TMEM117: variants seen among roughly 807,000 people sequenced by gnomAD.
The protein encoded by TMEM117 is transmembrane protein 117.
Under a neutral mutation model 52.4 loss-of-function variants are expected in TMEM117, and 27 were observed. That is an observed-to-expected ratio of 0.51 (90% CI 0.38 to 0.71). The LOEUF is 0.71. Among genes scored for constraint, TMEM117 ranks in the 30% least tolerant of loss-of-function variants. The pLI is 0.00. For missense variants in TMEM117, 556 were observed against 630.5 expected (o/e 0.88, Z 1.26); for synonymous variants, 215 against 206.3 (o/e 1.04, Z -0.36).
chr12:44,091,691 C>T (rs1390172610), intron 3 of TMEM117, among the ~76,000 whole-genome samples: 1 of 152,134 alleles, frequency 6.6e-6, no homozygotes, highest in Non-Finnish European at 1.5e-5. Flanking sequence ...GGGCAGAATA[C>T]AATCAACTTT....
intron 5 of TMEM117, among the ~76,000 whole-genome samples, chr12:44,294,413 T>G (rs1227199893): frequency 1.3e-5 from 2 of 152,208 alleles, no homozygotes; most frequent in Non-Finnish European, 2.9e-5. Context: ...CTTTTCCATC[T>G]TTGCTTATCA....
rs540594759 is a variant in TMEM117, at chr12:44,078,806, G to C, written c.411-64719G>C. Among the ~76,000 whole-genome samples, 63 of 151,784 alleles carry C rather than the reference G, an allele frequency of 4.2e-4. 1 individual carries two copies. Among genetic ancestry groups the C allele is most frequent in the Non-Finnish European group, 7.1e-4 (48 of 67,980 alleles). On this transcript the variant is annotated intron_variant, in intron 3 of 7. Transcript: ENST00000266534. The stretch of plus-strand genomic sequence containing the variant: ...ACACATGCCATGGTGGTTTGCTGCA[G>C]CCATCAACCCATCACCTACATTAGG...
At chr12:44,358,055 T>A (rs955326556) in intron 6 of TMEM117, among the ~76,000 whole-genome samples, 1 of 152,014 alleles carries the variant, frequency 6.6e-6, no homozygotes, top group Admixed American at 6.6e-5. Context: ...TTATCCTAAG[T>A]GAATTAACAC....
chr12:44,216,630 C>T (rs1166360884), intron 5 of TMEM117, among the ~76,000 whole-genome samples: 1 of 152,112 alleles, frequency 6.6e-6, no homozygotes, highest in Non-Finnish European at 1.5e-5. Flanking sequence ...CTGAGTATTA[C>T]TGAGTATTAT....
intron 5 of TMEM117, among the ~76,000 whole-genome samples, chr12:44,257,072 T>C (rs1950268172): frequency 6.8e-6 from 1 of 148,064 alleles, no homozygotes; most frequent in African/African-American, 2.5e-5. Flanking sequence ...GCATACTAGA[T>C]GTTTATTTGT....
chr12:44,182,508 C>T (rs1001399392), intron 4 of TMEM117, among the ~76,000 whole-genome samples: 3 of 152,136 alleles, frequency 2.0e-5, no homozygotes, highest in African/African-American at 7.2e-5. Context: ...AACAACGCTT[C>T]ATGCTAAAAA....
intron 3 of TMEM117, among the ~76,000 whole-genome samples, chr12:43,980,316 G>A (rs1945740384): frequency 1.3e-5 from 2 of 152,138 alleles, no homozygotes; most frequent in Admixed American, 1.3e-4. Flanking sequence ...TGTTAGAGTT[G>A]TTACTGGGAC....
At chr12:44,184,464 A>G (rs746958733) in intron 4 of TMEM117, among the ~76,000 whole-genome samples, 1 of 152,200 alleles carries the variant, frequency 6.6e-6, no homozygotes, top group Non-Finnish European at 1.5e-5. Flanking sequence ...GAGATGCAGC[A>G]GGAGATATGG....
chr12:44,048,417 G>A (rs1192900712), intron 3 of TMEM117, among the ~76,000 whole-genome samples: 1 of 151,304 alleles, frequency 6.6e-6, no homozygotes, highest in African/African-American at 2.4e-5. Flanking sequence ...TGTTATTTTT[G>A]TAAATTTTTG....
At chr12:44,278,357 A>G (rs1042772223) in intron 5 of TMEM117, among the ~76,000 whole-genome samples, 1 of 152,182 alleles carries the variant, frequency 6.6e-6, no homozygotes, top group Admixed American at 6.5e-5. Context: ...GGCTATCTGA[A>G]TATCTGTCTT....
the TMEM117 span, among the ~76,000 whole-genome samples, chr12:43,801,845 C>T: frequency 6.6e-6 from 1 of 152,108 alleles, no homozygotes; most frequent in African/African-American, 2.4e-5. Context: ...GCCTGGGCAA[C>T]ACAGTGAAAC....
the TMEM117 span, chr12:43,800,655 C>G: frequency 1.8e-4 from 117 of 646,938 alleles, no homozygotes; most frequent in Middle Eastern, 2.3e-3. Flanking sequence ...AGTCCACCCA[C>G]TATAATATGC....
chr12:44,132,098 G>A (rs886441822), intron 3 of TMEM117, among the ~76,000 whole-genome samples: 2 of 152,144 alleles, frequency 1.3e-5, no homozygotes, highest in African/African-American at 4.8e-5. Flanking sequence ...TAAGAATTAG[G>A]GAGACGGAGG....
At chr12:43,859,285 G>A (rs985322339) in intron 2 of TMEM117, among the ~76,000 whole-genome samples, 6 of 152,264 alleles carry the variant, frequency 3.9e-5, no homozygotes, top group South Asian at 2.1e-4. Flanking sequence ...GGGAAGGAAC[G>A]GGCAAAATGG....
At chr12:44,245,790 G>A (rs1022789384) in intron 5 of TMEM117, among the ~76,000 whole-genome samples, 1 of 151,872 alleles carries the variant, frequency 6.6e-6, no homozygotes, top group Non-Finnish European at 1.5e-5. Flanking sequence ...TGCTTGTGGT[G>A]GACATTAGAA....
At chr12:43,897,125 T>G (rs1675787) in intron 2 of TMEM117, among the ~76,000 whole-genome samples, 105,581 of 151,980 alleles carry the variant, frequency 0.69, 40,946 homozygotes, top group East Asian at 0.87. Context: ...CAACCCCAAA[T>G]GCTTTGAATA....
intron 5 of TMEM117, among the ~76,000 whole-genome samples, chr12:44,266,249 C>A (rs1237243830): frequency 6.6e-6 from 1 of 152,110 alleles, no homozygotes. Flanking sequence ...ATCCTACCAG[C>A]AATGAATGAT....
intron 3 of TMEM117, among the ~76,000 whole-genome samples, chr12:43,944,914 C>T (rs1168704636): frequency 6.6e-6 from 1 of 151,962 alleles, no homozygotes; most frequent in Non-Finnish European, 1.5e-5. Flanking sequence ...AGATGGAGAC[C>T]ATCCTAGCCA....
intron 7 of TMEM117, among the ~76,000 whole-genome samples, chr12:44,382,103 C>T (rs886310173): frequency 6.6e-6 from 1 of 152,172 alleles, no homozygotes; most frequent in Admixed American, 6.6e-5. Flanking sequence ...CTATATAAAG[C>T]AGCAATTCCT....
Sources: allele counts gnomAD v4.1 joint callset (sites outside exome capture counted in the v4.1 genomes callset), GRCh38; gene constraint gnomAD v4.1.1; transcripts MANE v1.5; gene names NCBI Gene and HGNC (gene_info 2026-07-23, HGNC 2026-07-21).